Variants in SYT1 observed in about 807,000 individuals in gnomAD.
SYT1 encodes synaptotagmin 1, also known as synaptotagmin-1.
Under a neutral mutation model 44.8 loss-of-function variants are expected in SYT1, and 8 were observed. The observed-to-expected ratio is 0.18, with a 90% CI of 0.10 to 0.32. The LOEUF is 0.32. Ranked by LOEUF, SYT1 falls within the 10% of genes least tolerant of loss-of-function variation. The probability of loss-of-function intolerance (pLI) is 1.00; values close to 1 mark genes in which losing one functional copy is unlikely to be tolerated. For synonymous variants in SYT1, 154 were observed against 188.8 expected, an observed-to-expected ratio of 0.82 and a Z score of 1.51; for missense variants, 286 against 509.3, an observed-to-expected ratio of 0.56 and a Z score of 4.22.
At chr12:79,020,403 T>C (rs1043747642) in intron 2 of SYT1, among the ~76,000 whole-genome samples, 2 of 151,858 alleles carry the variant, frequency 1.3e-5, no homozygotes, top group African/African-American at 4.8e-5. Flanking sequence ...CCTGGCAGAA[T>C]AATAAAAGCT....
intron 4 of SYT1, among the ~76,000 whole-genome samples, chr12:79,260,196 G>A (rs1044765375): frequency 6.6e-6 from 1 of 152,116 alleles, no homozygotes; most frequent in African/African-American, 2.4e-5. Context: ...TTCTGTTGTT[G>A]TTCTGTGGCC....
intron 4 of SYT1, among the ~76,000 whole-genome samples, chr12:79,258,591 G>A (rs1401179702): frequency 6.6e-6 from 1 of 152,200 alleles, no homozygotes; most frequent in East Asian, 1.9e-4. Context: ...AGATTTCTCT[G>A]TGATGTATGC....
Position 79,449,585 on chromosome 12 carries a change from A to AAT in SYT1, c.*464_*465dup, listed in dbSNP as rs1593077211. On this transcript the variant is annotated 3_prime_UTR_variant, in exon 11 of 11. Coordinates refer to ENST00000261205, the MANE Select transcript of SYT1 (RefSeq NM_005639.3). ...ATAGTATCGTCTGCATTCCAGCAAAAATATCAACTCGTAAGGCACTAGTAC... is the reference window on the plus strand; with the variant it reads ...ATAGTATCGTCTGCATTCCAGCAAAAATATATCAACTCGTAAGGCACTAGTAC... 1 of 154,938 alleles carries AAT rather than the reference A, an allele frequency of 6.5e-6. No individual in the cohort carries two copies. Among genetic ancestry groups the AAT allele is most frequent in the African/African-American group, 2.4e-5 (1 of 41,470 alleles). The allele number at this position is 154,938 out of a possible 1,614,324, so 9.6% of individuals were successfully genotyped here. A position where few individuals can be genotyped will look rare whatever the true frequency, so the allele number is the denominator to read the frequency against.
rs1331547224 is a variant in SYT1, at chr12:79,347,295, C to T, written c.811-6207C>T. Among the ~76,000 whole-genome samples the T allele has an allele frequency of 2.0e-5, 3 of 152,054 alleles. No individual in the cohort carries two copies. The East Asian group carries it at 5.8e-4, about 29-fold the overall frequency. ...GCTTATAGCTCATAACTGAGTTCCCCCTTCCTGGCATCACCCTCAGCTGAA... is the reference window on the plus strand; with the variant it reads ...GCTTATAGCTCATAACTGAGTTCCCTCTTCCTGGCATCACCCTCAGCTGAA... On this transcript the variant is annotated intron_variant, in intron 8 of 10. Transcript: ENST00000261205.
chr12:78,905,262 C>T (rs1592542997), intron 1 of SYT1, among the ~76,000 whole-genome samples: 1 of 152,136 alleles, frequency 6.6e-6, no homozygotes, highest in East Asian at 1.9e-4. Context: ...AGTAGAAGTA[C>T]AGAAATCCCG....
At chr12:78,925,528 T>C (rs1367659399) in intron 1 of SYT1, among the ~76,000 whole-genome samples, 1 of 151,920 alleles carries the variant, frequency 6.6e-6, no homozygotes, top group African/African-American at 2.4e-5. Flanking sequence ...CCCATGCTTG[T>C]TAGTTTTCTA....
chr12:79,448,726 G>A (rs1338671663), intron 10 of SYT1, among the ~76,000 whole-genome samples, 192 bp from the exon 11 acceptor site: 1 of 152,202 alleles, frequency 6.6e-6, no homozygotes, highest in Non-Finnish European at 1.5e-5. Context: ...GTTCATTCAT[G>A]TAAAAGACTT....
chr12:79,354,264 G>A (rs146244324), intron 9 of SYT1, among the ~76,000 whole-genome samples: 91 of 152,134 alleles, frequency 6.0e-4, no homozygotes, highest in African/African-American at 1.9e-3. Flanking sequence ...TCACTTCCAC[G>A]GTTGAACATA....
intron 8 of SYT1, among the ~76,000 whole-genome samples, chr12:79,344,048 A>G (rs1173158044): frequency 1.3e-5 from 2 of 152,230 alleles, no homozygotes; most frequent in Non-Finnish European, 2.9e-5. Context: ...TCATGGAAAT[A>G]TATGATTTCC....
intron 4 of SYT1, among the ~76,000 whole-genome samples, chr12:79,282,666 G>A (rs1592928064): frequency 6.6e-6 from 1 of 151,950 alleles, no homozygotes; most frequent in East Asian, 1.9e-4. Flanking sequence ...TTCTATTAAA[G>A]AGACTTTAAA....
intron 1 of SYT1, among the ~76,000 whole-genome samples, chr12:78,967,138 G>A (rs1477816935): frequency 6.6e-6 from 1 of 152,118 alleles, no homozygotes; most frequent in Non-Finnish European, 1.5e-5. Context: ...TATTTATTAA[G>A]TGCATAGTTG....
chr12:79,083,225 AAATT>A (rs1410800636), intron 3 of SYT1, among the ~76,000 whole-genome samples: 4 of 152,184 alleles, frequency 2.6e-5, no homozygotes, highest in African/African-American at 7.2e-5. Flanking sequence ...AGGTTGATTG[AAATT>A]AATTAATTTT....
chr12:79,039,271 A>G (rs1186124097), intron 2 of SYT1, among the ~76,000 whole-genome samples: 1 of 152,058 alleles, frequency 6.6e-6, no homozygotes, highest in Admixed American at 6.6e-5. Flanking sequence ...AATGTATATA[A>G]TATTTTGTGA....
At chr12:79,018,446 A>T (rs1179648105) in intron 2 of SYT1, among the ~76,000 whole-genome samples, 2 of 152,070 alleles carry the variant, frequency 1.3e-5, no homozygotes, top group African/African-American at 4.8e-5. Context: ...TACATATGTA[A>T]CAAACCTGCA....
Position 79,415,801 on chromosome 12 carries a change from G to A in SYT1, c.929-28272G>A, listed in dbSNP as rs577286890. On this transcript the variant is annotated intron_variant, in intron 9 of 10. Coordinates refer to ENST00000261205, the MANE Select transcript of SYT1 (RefSeq NM_005639.3). ...TTGCCAAAATTAAGCCAATTTTCCAGTTTGCAGTTAATGGGAGAGGATGTT... is the reference window on the plus strand; with the variant it reads ...TTGCCAAAATTAAGCCAATTTTCCAATTTGCAGTTAATGGGAGAGGATGTT... 3.3e-5 allele frequency among the ~76,000 whole-genome samples: 5 copies of A among 152,280 alleles called. No homozygotes were observed. In the South Asian group the frequency reaches 1.0e-3, roughly 32 times the overall value.
chr12:79,333,530 G>A (rs189320350), intron 8 of SYT1, among the ~76,000 whole-genome samples: 224 of 152,220 alleles, frequency 1.5e-3, no homozygotes, highest in Middle Eastern at 6.8e-3. Context: ...AGTAATCAGG[G>A]CTTTTTTGCA....
At chr12:79,339,994 T>C (rs1276043018) in intron 8 of SYT1, among the ~76,000 whole-genome samples, 1 of 152,206 alleles carries the variant, frequency 6.6e-6, no homozygotes, top group East Asian at 1.9e-4. Context: ...TGTGTGGTGT[T>C]ATTTCTGAGG....
chr12:79,342,066 G>T (rs1433343836), intron 8 of SYT1, among the ~76,000 whole-genome samples: 1 of 152,138 alleles, frequency 6.6e-6, no homozygotes, highest in African/African-American at 2.4e-5. Context: ...TATAAAGAAG[G>T]CTTTCCCCTT....
intron 1 of SYT1, among the ~76,000 whole-genome samples, chr12:78,935,479 TAGAAC>T (rs1878000258): frequency 6.6e-6 from 1 of 152,060 alleles, no homozygotes; most frequent in Non-Finnish European, 1.5e-5. Flanking sequence ...TACTAAGTTA[TAGAAC>T]AGAACAGAAG....
Sources: allele counts gnomAD v4.1 joint callset (sites outside exome capture counted in the v4.1 genomes callset), GRCh38; gene constraint gnomAD v4.1.1; transcripts MANE v1.5; gene names NCBI Gene and HGNC (gene_info 2026-07-23, HGNC 2026-07-21).